Variants in HTT observed in about 807,000 individuals in gnomAD.
HTT encodes the protein huntingtin.
Under a neutral mutation model 362.3 loss-of-function variants are expected in HTT, and 104 were observed. That is an observed-to-expected ratio of 0.29 (90% CI 0.24 to 0.34). The LOEUF (loss-of-function observed/expected upper bound fraction) is 0.34, where lower values mean the gene tolerates loss of function less well. Among genes scored for constraint, HTT ranks in the 10% least tolerant of loss-of-function variants. The pLI is 1.00. For missense variants in HTT, 3,301 were observed against 3,928.6 expected (o/e 0.84, Z 4.27); for synonymous variants, 1,577 against 1,548.7 (o/e 1.02, Z -0.43).
Position 3,140,417 on chromosome 4 carries a change from G to A in HTT, c.2799-93G>A, listed in dbSNP as rs952765532. On this transcript the variant is annotated intron_variant, in intron 21 of 66. Transcript: ENST00000355072. ...AAGTGGTGTCCGCTGGTAACCAGAG[G>A]TGTTGGCTTAGCCATCTGCAGGGAG... is the stretch of plus-strand genomic sequence containing the variant. 3 of 1,047,598 alleles carry A rather than the reference G, an allele frequency of 2.9e-6. No homozygotes were observed. The African/African-American group carries it at 4.7e-5, about 16-fold the overall frequency. 64.9% of individuals were successfully genotyped at this position (1,047,598 alleles called of 1,614,324 possible).
chr4:3,112,798 T>C (rs948491558), intron 6 of HTT, among the ~76,000 whole-genome samples: 2 of 152,316 alleles, frequency 1.3e-5, no homozygotes, highest in South Asian at 4.1e-4. Flanking sequence ...GGTGTGTGCA[T>C]CTCAGCTGCA....
chr4:3,225,474 T>G (rs1720868536), intron 56 of HTT, among the ~76,000 whole-genome samples, 187 bp from the exon 57 acceptor site: 1 of 152,246 alleles, frequency 6.6e-6, no homozygotes. Context: ...CCAGCTTAAC[T>G]GGTTATAAAG....
intron 2 of HTT, among the ~76,000 whole-genome samples, chr4:3,097,232 A>G (rs1713899196): frequency 6.6e-6 from 1 of 152,250 alleles, no homozygotes; most frequent in African/African-American, 2.4e-5. Context: ...TGGTTCATCA[A>G]GAACATCAAT....
chr4:3,203,953 A>G (rs942988723), intron 41 of HTT, 54 bp from the exon 42 acceptor site: 20 of 1,584,978 alleles, frequency 1.3e-5, no homozygotes, highest in East Asian at 4.5e-5. Flanking sequence ...GTATTTTGCA[A>G]ATAAGCTCAC....
chr4:3,130,673 T>C (rs1715767015), intron 14 of HTT, among the ~76,000 whole-genome samples: 1 of 152,254 alleles, frequency 6.6e-6, no homozygotes, highest in Non-Finnish European at 1.5e-5. Flanking sequence ...GAATGTTTCC[T>C]TGTCTGATTT....
chr4:3,108,236 G>A (rs544961129), intron 6 of HTT, among the ~76,000 whole-genome samples: 1 of 152,320 alleles, frequency 6.6e-6, no homozygotes, highest in Admixed American at 6.5e-5. Context: ...CTTATTAGCT[G>A]AATGATTTGG....
At chr4:3,103,529 A>G (rs1371812742) in intron 3 of HTT, among the ~76,000 whole-genome samples, 3 of 152,004 alleles carry the variant, frequency 2.0e-5, no homozygotes, top group African/African-American at 7.2e-5. Context: ...CCTGGCCAGG[A>G]TTTATTGTAT....
chr4:3,109,731 G>A (rs1267658125), intron 6 of HTT, among the ~76,000 whole-genome samples: 1 of 152,142 alleles, frequency 6.6e-6, no homozygotes, highest in African/African-American at 2.4e-5. Flanking sequence ...GGTTGAAACT[G>A]GAGAGAGGAC....
intron 33 of HTT, among the ~76,000 whole-genome samples, chr4:3,175,574 CTG>C (rs1718199859): frequency 6.6e-6 from 1 of 152,218 alleles, no homozygotes; most frequent in Non-Finnish European, 1.5e-5. Flanking sequence ...AGGACAGTAA[CTG>C]AGACCCGTGC....
chr4:3,111,688 C>T (rs941902441), intron 6 of HTT, among the ~76,000 whole-genome samples: 3 of 152,156 alleles, frequency 2.0e-5, no homozygotes, highest in Non-Finnish European at 4.4e-5. Context: ...CATCTCACGT[C>T]TGTCCTCAGC....
chr4:3,212,015 AG>A lies in HTT; in HGVS notation c.6502del (p.Ala2168ProfsTer4). 2 of 1,614,178 alleles carry A rather than the reference AG, an allele frequency of 1.2e-6. No homozygotes were observed. The highest frequency in any genetic ancestry group is 1.7e-6 in the Non-Finnish European group (2 of 1,180,026). ...GGQKSALFEAAREVTLARVSG... is the reference protein window; with the variant it reads ...GGQKSALFEAXREVTLARVSG... ...GCCAGAAGAGTGCCCTTTTTGAAGC[AG>A]CCCGTGAGGTGACTCTGGCCCGTGT... On this transcript the variant is annotated frameshift_variant, in exon 48 of 67. Transcript: ENST00000355072. LOFTEE classifies it high-confidence loss of function.
chr4:3,188,817 A>G, intron 39 of HTT, 134 bp from the exon 40 acceptor site: 4 of 824,174 alleles, frequency 4.9e-6, no homozygotes, highest in South Asian at 1.8e-5. Context: ...GGCGCTCTGC[A>G]TTTCACTTTA....
At position 3,208,782 on chromosome 4, in the gene HTT, G is replaced by A. The variant is rs372362247; in HGVS notation, c.6162G>A (p.Arg2054=). Residue 2054 remains arginine, a synonymous_variant, in exon 46 of 67, where the codon AGG becomes AGA. Coordinates refer to ENST00000355072, the MANE Select transcript of HTT (RefSeq NM_001388492.1). ...QSSGLAQRHQ[R]LYSLLDRFRL... Reference sequence around the variant, plus strand: ...TTTATTTGTATTTTAGACACCAAAGGCTCTATTCCCTGCTGGACAGGTTTC... The same window carrying A: ...TTTATTTGTATTTTAGACACCAAAGACTCTATTCCCTGCTGGACAGGTTTC... 8.7e-6 allele frequency: 14 copies of A among 1,609,560 alleles called. No individual in the cohort carries two copies. Among genetic ancestry groups the A allele is most frequent in the Non-Finnish European group, 1.1e-5 (13 of 1,178,828 alleles).
chr4:3,093,690 CAG>C (rs2110148949), intron 2 of HTT, among the ~76,000 whole-genome samples: 1 of 152,082 alleles, frequency 6.6e-6, no homozygotes, highest in Non-Finnish European at 1.5e-5. Context: ...ATTTTACACA[CAG>C]AGAGAAGGCC....
At chr4:3,079,278 G>A (rs1470927153) in intron 1 of HTT, among the ~76,000 whole-genome samples, 1 of 149,030 alleles carries the variant, frequency 6.7e-6, no homozygotes, top group Non-Finnish European at 1.5e-5. Flanking sequence ...GGGTTGGGGG[G>A]CAAGGTCTTG....
rs745573312 is a variant in HTT at position 3,131,355 on chromosome 4, C to T, written c.2056C>T (p.Arg686Cys). ...DDSAPLVHCV[R>C]LLSASFLLTG... ...CTCTGCACCTCTTGTCCATTGTGTC[C>T]GCCTTTTATCTGCTTCGTTTTTGCT... Residue 686 changes from arginine (R) to cysteine (C), a missense_variant, in exon 15 of 67, where the codon CGC (arginine) becomes TGC (cysteine). Arg to Cys is a radical substitution (Grantham distance 180). Coordinates refer to ENST00000355072, the MANE Select transcript of HTT (RefSeq NM_001388492.1). 3.7e-6 allele frequency: 6 copies of T among 1,613,876 alleles called. No individual in the cohort carries two copies. The highest frequency in any genetic ancestry group is 1.7e-5 in the Admixed American group (1 of 59,974).
intron 65 of HTT, 45 bp from the exon 66 acceptor site, chr4:3,238,773 C>A: frequency 1.4e-6 from 2 of 1,438,104 alleles, no homozygotes; most frequent in Non-Finnish European, 1.9e-6. Flanking sequence ...AGGTGCTTCC[C>A]GTCCCCCCAG....
In HTT at chr4:3,156,193, C is replaced by G. The variant is rs574338524; in HGVS notation, c.3626-879C>G. 2.6e-4 allele frequency among the ~76,000 whole-genome samples: 39 copies of G among 152,272 alleles called. 1 individual carries two copies. The South Asian group carries it at 3.1e-3, about 12-fold the overall frequency. ...GGAGTACCATGGCACGATCTCATCTCACTGCAACCTCCGCCTCCCAGGTTC... is the reference window on the plus strand; with the variant it reads ...GGAGTACCATGGCACGATCTCATCTGACTGCAACCTCCGCCTCCCAGGTTC... On this transcript the variant is annotated intron_variant, in intron 27 of 66. Coordinates refer to ENST00000355072, the MANE Select transcript of HTT (RefSeq NM_001388492.1).
chr4:3,111,600 C>T (rs1200228491), intron 6 of HTT, among the ~76,000 whole-genome samples: 2 of 152,176 alleles, frequency 1.3e-5, no homozygotes, highest in Non-Finnish European at 2.9e-5. Context: ...TATGTTTATC[C>T]TGCAACCGGG....
Sources: gnomAD v4.1 joint callset for allele counts (sites outside exome capture counted in the v4.1 genomes callset) on GRCh38, gnomAD v4.1.1 for gene constraint, MANE v1.5 for transcripts, NCBI Gene and HGNC (gene_info 2026-07-23, HGNC 2026-07-21) for gene names.